Variants in MBNL2 observed in about 807,000 individuals in gnomAD.
MBNL2 encodes muscleblind like splicing regulator 2, also known as muscleblind-like protein 2.
A neutral mutation model predicts 41.9 loss-of-function variants in MBNL2; 17 were observed. That is an observed-to-expected ratio of 0.41 (90% CI 0.28 to 0.61). The LOEUF (loss-of-function observed/expected upper bound fraction) is 0.61, where lower values mean the gene tolerates loss of function less well. Ranked by LOEUF, MBNL2 falls within the 20% of genes least tolerant of loss-of-function variation. The probability of loss-of-function intolerance (pLI) is 0.35; values close to 1 mark genes in which losing one functional copy is unlikely to be tolerated. For missense variants in MBNL2, 336 were observed against 505.6 expected (o/e 0.66, Z 3.22); for synonymous variants, 195 against 182.9 (o/e 1.07, Z -0.53).
chr13:97,378,924 A>G (rs1187882853), intron 8 of MBNL2, among the ~76,000 whole-genome samples: 1 of 152,242 alleles, frequency 6.6e-6, no homozygotes, highest in East Asian at 1.9e-4. Flanking sequence ...ATAAGTGAGC[A>G]CATCTTAGAG....
At chr13:97,193,606 TGGG>T in the MBNL2 span, among the ~76,000 whole-genome samples, 1 of 152,178 alleles carries the variant, frequency 6.6e-6, no homozygotes, top group Non-Finnish European at 1.5e-5. Context: ...TGGGATTTTG[TGGG>T]GATTAAACGT....
intron 1 of MBNL2, among the ~76,000 whole-genome samples, chr13:97,226,392 A>G (rs2041613173): frequency 6.6e-6 from 1 of 152,244 alleles, no homozygotes; most frequent in South Asian, 2.1e-4. Flanking sequence ...AGTATATTCC[A>G]TCAATCAGTC....
chr13:97,313,456 A>G (rs567479210), intron 2 of MBNL2, among the ~76,000 whole-genome samples: 1 of 152,190 alleles, frequency 6.6e-6, no homozygotes, highest in Non-Finnish European at 1.5e-5. Flanking sequence ...TTTAAAAAAG[A>G]TCTTATTGAA....
intron 2 of MBNL2, among the ~76,000 whole-genome samples, chr13:97,285,208 GA>G (rs2054183767): frequency 6.6e-6 from 1 of 152,220 alleles, no homozygotes; most frequent in Non-Finnish European, 1.5e-5. Flanking sequence ...ATCTGCATCT[GA>G]GCCCTGGCTT....
At chr13:97,233,193 A>C (rs1344920072) in intron 1 of MBNL2, among the ~76,000 whole-genome samples, 2 of 111,534 alleles carry the variant, frequency 1.8e-5, no homozygotes, top group African/African-American at 3.5e-5. Context: ...ATTATACTTT[A>C]AGTTCTAGGG....
chr13:97,201,707 T>C, the MBNL2 span, among the ~76,000 whole-genome samples: 1 of 152,204 alleles, frequency 6.6e-6, no homozygotes, highest in African/African-American at 2.4e-5. Context: ...TTATCACTGA[T>C]AGTTCAAACC....
chr13:97,344,118 TATTA>T (rs1430631491), intron 4 of MBNL2, among the ~76,000 whole-genome samples: 1 of 152,238 alleles, frequency 6.6e-6, no homozygotes, highest in African/African-American at 2.4e-5. Flanking sequence ...TAAATTTAGT[TATTA>T]ATTGAGATAT....
chr13:97,281,602 T>A (rs917623313), intron 2 of MBNL2, among the ~76,000 whole-genome samples: 2 of 152,228 alleles, frequency 1.3e-5, no homozygotes, highest in African/African-American at 4.8e-5. Flanking sequence ...TTCATGTTCT[T>A]AAATTGCTGC....
intron 1 of MBNL2, among the ~76,000 whole-genome samples, chr13:97,245,704 G>C (rs2045324346): frequency 6.6e-6 from 1 of 152,122 alleles, no homozygotes; most frequent in Non-Finnish European, 1.5e-5. Flanking sequence ...TTGATATTTA[G>C]GCAGGAGGAA....
intron 2 of MBNL2, among the ~76,000 whole-genome samples, chr13:97,330,635 C>A (rs922632386): frequency 6.6e-6 from 1 of 152,220 alleles, no homozygotes; most frequent in Non-Finnish European, 1.5e-5. Context: ...TACACAAAGA[C>A]GCTTTACGCT....
rs138267504 is a variant in MBNL2, at chr13:97,354,247, C to T, written c.805-2549C>T. 3.7e-3 allele frequency among the ~76,000 whole-genome samples: 562 copies of T among 152,162 alleles called. 3 individuals carry two copies. The highest frequency in any genetic ancestry group is 0.013 in the African/African-American group (540 of 41,498). On this transcript the variant is annotated intron_variant, in intron 5 of 8. Transcript: ENST00000679496. ...TCTTAGGATACACTAGGCTTGGTGA[C>T]CTGTGAGATCTGTTCTAAGCCTGAA...
chr13:97,222,290 G>A (rs991017782), upstream of MBNL2: 17 of 397,250 alleles, frequency 4.3e-5, no homozygotes, highest in East Asian at 1.8e-4. Flanking sequence ...GGCTGGGAGG[G>A]ATTTGTCGGA....
upstream of MBNL2, among the ~76,000 whole-genome samples, chr13:97,217,079 TATATA>T (rs1045214063): frequency 1.4e-3 from 211 of 148,602 alleles, no homozygotes; most frequent in African/African-American, 4.7e-3. Flanking sequence ...ATATGTGTTG[TATATA>T]ATATATGATA....
intron 1 of MBNL2, among the ~76,000 whole-genome samples, chr13:97,233,126 C>CATATATATATAT (rs376967986): frequency 2.0e-4 from 8 of 39,780 alleles, no homozygotes; most frequent in Non-Finnish European, 3.2e-4. Context: ...GGCTCTTTTT[C>CATATATATATAT]ATATATATAT....
chr13:97,389,394 ATAT>A (rs1356281650), intron 8 of MBNL2, among the ~76,000 whole-genome samples: 2 of 152,300 alleles, frequency 1.3e-5, no homozygotes, highest in East Asian at 1.9e-4. Context: ...TCTAAAATAC[ATAT>A]TATTATATAT....
At chr13:97,209,006 T>C in the MBNL2 span, among the ~76,000 whole-genome samples, 1 of 152,336 alleles carries the variant, frequency 6.6e-6, no homozygotes, top group African/African-American at 2.4e-5. Flanking sequence ...GTGGTTTTTA[T>C]ATCCAACAGA....
intron 8 of MBNL2, among the ~76,000 whole-genome samples, chr13:97,374,063 A>ATTGTTTTTTTTCTTT (rs2064689071): frequency 1.6e-5 from 1 of 63,128 alleles, no homozygotes; most frequent in Non-Finnish European, 3.1e-5. Flanking sequence ...CCTCCTTTGC[A>ATTGTTTTTTTTCTTT]TTTTTTTTTT....
chr13:97,311,658 CT>C (rs1022305990), intron 2 of MBNL2, among the ~76,000 whole-genome samples: 10 of 145,848 alleles, frequency 6.9e-5, no homozygotes, highest in East Asian at 2.0e-4. Context: ...GATTTTTTTT[CT>C]TTTTTTTTTA....
the MBNL2 span, chr13:97,172,715 C>A: frequency 2.6e-5 from 4 of 152,294 alleles, no homozygotes; most frequent in East Asian, 7.7e-4. Context: ...ACACCTTTCA[C>A]ACCTGTTGGT....
Sources: gnomAD v4.1 joint callset for allele counts (sites outside exome capture counted in the v4.1 genomes callset) on GRCh38, gnomAD v4.1.1 for gene constraint, MANE v1.5 for transcripts, NCBI Gene and HGNC (gene_info 2026-07-23, HGNC 2026-07-21) for gene names.